ERCC6L2: variants seen among roughly 807,000 people sequenced by gnomAD.
ERCC6L2 encodes the protein DNA excision repair protein ERCC-6-like 2.
A neutral mutation model predicts 132.0 loss-of-function variants in ERCC6L2; 77 were observed. That is an observed-to-expected ratio of 0.58 (90% CI 0.49 to 0.71). ERCC6L2 has a LOEUF of 0.71. Among genes scored for constraint, ERCC6L2 ranks in the 30% least tolerant of loss-of-function variants. The probability of loss-of-function intolerance (pLI) is 0.00; values close to 1 mark genes in which losing one functional copy is unlikely to be tolerated. For synonymous variants in ERCC6L2, 583 were observed against 632.4 expected (o/e 0.92, Z 1.17); for missense variants, 1,542 against 1,837.6 (o/e 0.84, Z 2.94).
intron 9 of ERCC6L2, among the ~76,000 whole-genome samples, chr9:95,927,502 G>T (rs183834583): frequency 3.9e-4 from 60 of 152,230 alleles, no homozygotes; most frequent in African/African-American, 1.4e-3. Flanking sequence ...ACTGTGTGTG[G>T]GGGCAGATTA....
chr9:95,915,385 TA>T (rs926462274), intron 4 of ERCC6L2, among the ~76,000 whole-genome samples: 10 of 152,212 alleles, frequency 6.6e-5, no homozygotes, highest in African/African-American at 1.9e-4. Context: ...TTTGTTACTT[TA>T]AAAAATTCCT....
At chr9:95,916,563 T>G in intron 6 of ERCC6L2, 129 bp downstream of exon 6, 3 of 673,970 alleles carry the variant, frequency 4.5e-6, no homozygotes, top group Non-Finnish European at 4.6e-6. Context: ...TGGAAAAAAT[T>G]GTTGCGCGCA....
At chr9:95,919,522 TCAG>T (rs1415638384) in intron 6 of ERCC6L2, among the ~76,000 whole-genome samples, 14 of 152,092 alleles carry the variant, frequency 9.2e-5, no homozygotes, top group African/African-American at 3.4e-4. Context: ...CATGTCTAAT[TCAG>T]CTTCTAGATC....
intron 4 of ERCC6L2, among the ~76,000 whole-genome samples, chr9:95,910,438 A>G (rs1263942273): frequency 1.3e-5 from 2 of 152,156 alleles, no homozygotes; most frequent in East Asian, 1.9e-4. Context: ...GTACTATTAT[A>G]TAGCTATCCC....
intron 12 of ERCC6L2, among the ~76,000 whole-genome samples, chr9:95,954,490 A>G (rs1239257154): frequency 6.6e-6 from 1 of 152,200 alleles, no homozygotes; most frequent in Non-Finnish European, 1.5e-5. Context: ...TGACCTACCT[A>G]TCGTATAACA....
At position 95,948,745 on chromosome 9, in the gene ERCC6L2, CTGTCT is replaced by C. The variant is rs1241455156; in HGVS notation, c.1848-7167_1848-7163del. On this transcript the variant is annotated intron_variant, in intron 12 of 18. Coordinates refer to ENST00000653738, the MANE Select transcript of ERCC6L2 (RefSeq NM_020207.7). Reference sequence around the variant, plus strand: ...AGTTTGCAAAGACTTGGGGAGTTGGCTGTCTTTCCAAATGGTAGTTTTCAAGAAAA... The same window carrying C: ...AGTTTGCAAAGACTTGGGGAGTTGGCTTCCAAATGGTAGTTTTCAAGAAAA... Among the ~76,000 whole-genome samples, 4 of 146,332 alleles carry C rather than the reference CTGTCT, an allele frequency of 2.7e-5. No individual in the cohort carries two copies. In the East Asian group the frequency reaches 8.0e-4, roughly 29 times the overall value.
chr9:95,977,415 C>G (rs1365322119), intron 16 of ERCC6L2, among the ~76,000 whole-genome samples: 2 of 152,122 alleles, frequency 1.3e-5, no homozygotes, highest in African/African-American at 4.8e-5. Context: ...GGCCTTGGTT[C>G]TAGCTTTCTC....
chr9:95,986,132 T>C (rs1173667976), intron 17 of ERCC6L2, among the ~76,000 whole-genome samples: 3 of 152,216 alleles, frequency 2.0e-5, no homozygotes, highest in African/African-American at 7.2e-5. Context: ...TCTCTTTACT[T>C]GTGTGTGTTT....
intron 11 of ERCC6L2, among the ~76,000 whole-genome samples, chr9:95,936,290 G>T (rs1830550079): frequency 6.6e-6 from 1 of 152,140 alleles, no homozygotes; most frequent in African/African-American, 2.4e-5. Flanking sequence ...AAGAACTCTG[G>T]GTCCAGGGAA....
intron 1 of ERCC6L2, among the ~76,000 whole-genome samples, chr9:95,877,330 C>T (rs565044747): frequency 6.7e-6 from 1 of 150,022 alleles, no homozygotes; most frequent in South Asian, 2.2e-4. Flanking sequence ...TTGTGTGATT[C>T]CCTTAAGGCT....
intron 2 of ERCC6L2, among the ~76,000 whole-genome samples, chr9:95,893,406 A>G (rs1420563071): frequency 6.6e-6 from 1 of 152,160 alleles, no homozygotes; most frequent in African/African-American, 2.4e-5. Context: ...ATTGGCTTGT[A>G]AATTTCCTGT....
intron 18 of ERCC6L2, among the ~76,000 whole-genome samples, chr9:96,011,017 AT>A (rs1466091280): frequency 1.3e-5 from 2 of 152,252 alleles, no homozygotes; most frequent in Non-Finnish European, 2.9e-5. Context: ...TCAAAGGAGT[AT>A]TTATAAACAT....
intron 19 of ERCC6L2, among the ~76,000 whole-genome samples, chr9:96,031,373 C>T (rs1427801113): frequency 2.6e-5 from 4 of 152,134 alleles, no homozygotes; most frequent in South Asian, 2.1e-4. Flanking sequence ...AGCCACAGTC[C>T]GAATTGTTCC....
At chr9:95,938,871 G>T (rs191178979) in intron 11 of ERCC6L2, among the ~76,000 whole-genome samples, 1 of 151,702 alleles carries the variant, frequency 6.6e-6, no homozygotes, top group African/African-American at 2.4e-5. Context: ...CCTATTTCTA[G>T]TTCCACTGTT....
At chr9:95,962,251 T>TA (rs1564266263) in intron 13 of ERCC6L2, among the ~76,000 whole-genome samples, 1 of 151,988 alleles carries the variant, frequency 6.6e-6, no homozygotes, top group African/African-American at 2.4e-5. Context: ...TGAGGTGTTT[T>TA]GGGGGGGTTG....
At chr9:95,913,514 A>G (rs1176533534) in intron 4 of ERCC6L2, among the ~76,000 whole-genome samples, 1 of 152,096 alleles carries the variant, frequency 6.6e-6, no homozygotes, top group Non-Finnish European at 1.5e-5. Context: ...ATTGCTATGG[A>G]CTTGAGGATT....
chr9:96,000,215 A>C (rs1459450146), intron 17 of ERCC6L2, among the ~76,000 whole-genome samples: 2 of 152,176 alleles, frequency 1.3e-5, no homozygotes, highest in Non-Finnish European at 2.9e-5. Context: ...ATATATTTTT[A>C]AGGAAAGTAC....
rs1463442101 is a variant in ERCC6L2, at chr9:95,923,274, A to AAGG, written c.1430_1432dup (p.Arg477dup). 4 of 1,613,388 alleles carry AAGG rather than the reference A, an allele frequency of 2.5e-6. No individual in the cohort carries two copies. Among genetic ancestry groups the AAGG allele is most frequent in the Non-Finnish European group, 3.4e-6 (4 of 1,179,630 alleles). Reference sequence around the variant, plus strand: ...TTCCCTTCAAGGAAACACTTATCAAAAGGATATGTGATCAGGTATTTTCCA... The same window carrying AAGG: ...TTCCCTTCAAGGAAACACTTATCAAAAGGAGGATATGTGATCAGGTATTTTCCA... On this transcript the variant is annotated inframe_insertion, in exon 9 of 19. Transcript: ENST00000653738.
chr9:95,878,636 C>T (rs1425673089), intron 1 of ERCC6L2, among the ~76,000 whole-genome samples: 1 of 151,780 alleles, frequency 6.6e-6, no homozygotes. Context: ...GGTATATCTC[C>T]TAAAGCTATC....
Sources: gnomAD v4.1 joint callset for allele counts (sites outside exome capture counted in the v4.1 genomes callset) on GRCh38, gnomAD v4.1.1 for gene constraint, MANE v1.5 for transcripts, NCBI Gene and HGNC (gene_info 2026-07-23, HGNC 2026-07-21) for gene names.